Variants in KIF9 observed in about 807,000 individuals in gnomAD.
KIF9 encodes the protein kinesin-like protein KIF9.
Under a neutral mutation model 94.8 loss-of-function variants are expected in KIF9, and 68 were observed. The ratio of observed to expected loss-of-function variants is 0.72; its 90% CI spans 0.59 to 0.88. KIF9 has a LOEUF of 0.88. Among genes scored for constraint, KIF9 ranks in the 40% least tolerant of loss-of-function variants. KIF9 has a pLI of 0.00. For missense variants in KIF9, 882 were observed against 982.5 expected, an observed-to-expected ratio of 0.90 and a Z score of 1.37; for synonymous variants, 343 against 362.1, an observed-to-expected ratio of 0.95 and a Z score of 0.60.
intron 12 of KIF9, chr3:47,246,551 G>GTTTT: frequency 6.8e-6 from 1 of 147,020 alleles, no homozygotes; most frequent in Admixed American, 6.9e-5. Context: ...CCTTCTAAAG[G>GTTTT]TTTTTTTTTT....
intron 13 of KIF9, 76 bp downstream of exon 13, chr3:47,246,121 G>A (rs896437977): frequency 3.7e-6 from 5 of 1,343,864 alleles, no homozygotes; most frequent in African/African-American, 1.4e-5. Flanking sequence ...GGAGCTCTTG[G>A]AGGCAAGTGC....
At position 47,263,745 on chromosome 3, in the gene KIF9, G is replaced by A. The variant is rs750709659; in HGVS notation, c.981+541C>T. Reference sequence around the variant, plus strand: ...CTCCCTCTGGGCCTCACGTTACTTAGGACCATGGCTTCTCTCTCTTTCTGG... The same window carrying A: ...CTCCCTCTGGGCCTCACGTTACTTAAGACCATGGCTTCTCTCTCTTTCTGG... On this transcript the variant is annotated intron_variant, in intron 9 of 20. Transcript: ENST00000684063. 7.0e-6 allele frequency: 3 copies of A among 425,614 alleles called. No homozygotes were observed. In the Admixed American group the frequency reaches 7.8e-5, roughly 11 times the overall value. 26.4% of individuals were successfully genotyped at this position (425,614 alleles called of 1,614,324 possible). A position where few individuals can be genotyped will look rare whatever the true frequency, so the allele number is the denominator to read the frequency against.
Position 47,238,391 on chromosome 3 carries a change from T to A in KIF9, c.1925-1772A>T, listed in dbSNP as rs1328526291. 3 of 152,104 alleles carry A rather than the reference T, an allele frequency of 2.0e-5. No homozygotes were observed. In the East Asian group the frequency reaches 5.8e-4, roughly 29 times the overall value. The allele number at this position is 152,104 out of a possible 1,614,324, so 9.4% of individuals were successfully genotyped here. On this transcript the variant is annotated intron_variant, in intron 17 of 20. Transcript: ENST00000684063. ...GCCACCACGCCCAGCTAATTTTTTA[T>A]GTTTTTTTGTAGAGACGGGGTCTCA...
rs1699429638 is a variant in KIF9, at chr3:47,240,960, C to T, written c.1765G>A (p.Gly589Ser). The T allele has an allele frequency of 1.2e-6, 2 of 1,614,010 alleles. No homozygotes were observed. Among genetic ancestry groups the T allele is most frequent in the African/African-American group, 1.3e-5 (1 of 74,892 alleles). The change falls in exon 17 of 21, where the codon GGT becomes AGT. Residue 589 changes from glycine to serine, a missense_variant. Gly to Ser is a moderately conservative substitution (Grantham distance 56). Coordinates refer to ENST00000684063, the MANE Select transcript of KIF9 (RefSeq NM_182902.4). ...VAFEEFKNEQGSEINRIFKEN... is the reference protein window; with the variant it reads ...VAFEEFKNEQSSEINRIFKEN... ...TTGAAAATTCGGTTGATCTCACTAC[C>T]TTGCTCATTCTTAAACTCCTCAAAG...
At position 47,236,023 on chromosome 3, in the gene KIF9, G is replaced by A. The variant is rs199770331; in HGVS notation, c.2217+11C>T. ...CAACCACTGCCACACCCCTGCCCCT[G>A]TGCCGCTCACCAGAGACACAATCCT... On this transcript the variant is annotated intron_variant, in intron 19 of 20. Transcript: ENST00000684063. 3.0e-5 allele frequency: 48 copies of A among 1,602,954 alleles called. No individual in the cohort carries two copies. In the Admixed American group the frequency reaches 6.7e-4, roughly 22 times the overall value.
intron 3 of KIF9, among the ~76,000 whole-genome samples, chr3:47,274,256 G>C (rs1286316415): frequency 1.3e-5 from 2 of 152,182 alleles, no homozygotes; most frequent in Non-Finnish European, 2.9e-5. Context: ...CCCTGATCTG[G>C]TCCACTGCCC....
At chr3:47,232,504 C>T (rs890939979) in intron 20 of KIF9, among the ~76,000 whole-genome samples, 12 of 151,512 alleles carry the variant, frequency 7.9e-5, no homozygotes, top group African/African-American at 2.7e-4. Context: ...AGGCTGGTCT[C>T]GAACTCCCGA....
chr3:47,229,025 C>T (rs1240471000), intron 20 of KIF9, among the ~76,000 whole-genome samples: 1 of 152,364 alleles, frequency 6.6e-6, no homozygotes, highest in Non-Finnish European at 1.5e-5. Flanking sequence ...AGGGTTCTAT[C>T]TCCAGAGGAG....
intron 5 of KIF9, among the ~76,000 whole-genome samples, chr3:47,267,831 A>G (rs1029677155): frequency 1.0e-4 from 15 of 149,804 alleles, no homozygotes; most frequent in African/African-American, 3.4e-4. Context: ...ATGTATTACT[A>G]TAAAAATAAT....
In KIF9 at chr3:47,260,180, T is replaced by G. The variant is rs565245404; in HGVS notation, c.982-2620A>C. On this transcript the variant is annotated intron_variant, in intron 9 of 20. Transcript: ENST00000684063. ...TAAAGCATTGAGATGTTTATGTGTA[T>G]GCATATCTAAAAGCACAGCACTTAA... Among the ~76,000 whole-genome samples the G allele has an allele frequency of 1.1e-3, 147 of 131,988 alleles. 1 individual carries two copies. Among genetic ancestry groups the G allele is most frequent in the Middle Eastern group, 7.3e-3 (2 of 274 alleles). The allele number at this position is 131,988 out of a possible 152,430, so 86.6% of individuals were successfully genotyped here. A position where few individuals can be genotyped will look rare whatever the true frequency, so the allele number is the denominator to read the frequency against.
At chr3:47,266,128 A>C (rs1276379383) in intron 7 of KIF9, 5 of 417,586 alleles carry the variant, frequency 1.2e-5, no homozygotes, top group Non-Finnish European at 2.2e-5. Context: ...GCTTACATGA[A>C]TATTCATATG....
chr3:47,236,233 C>T, intron 18 of KIF9, 84 bp from the exon 19 acceptor site: 1 of 1,137,826 alleles, frequency 8.8e-7, no homozygotes, highest in African/African-American at 1.5e-5. Context: ...TGCAGGCTCA[C>T]CATCTGTTCA....
At chr3:47,281,133 TG>T in intron 1 of KIF9, 1 of 662,028 alleles carries the variant, frequency 1.5e-6, no homozygotes, top group Non-Finnish European at 2.7e-6. Flanking sequence ...TGGTTGGTGA[TG>T]GTAATGGCTG....
At chr3:47,245,591 A>G in intron 13 of KIF9, 80 bp from the exon 14 acceptor site, 1 of 1,055,718 alleles carries the variant, frequency 9.5e-7, no homozygotes, top group East Asian at 2.4e-5. Context: ...TACTGGGGTT[A>G]AAAGTCATAT....
chr3:47,261,992 C>T (rs1244273827), intron 9 of KIF9, among the ~76,000 whole-genome samples: 2 of 152,224 alleles, frequency 1.3e-5, no homozygotes, highest in Non-Finnish European at 2.9e-5. Context: ...CATTAGCTTC[C>T]ATACCCCCAA....
chr3:47,238,777 T>C (rs1297772320), intron 17 of KIF9, among the ~76,000 whole-genome samples: 1 of 152,120 alleles, frequency 6.6e-6, no homozygotes, highest in East Asian at 1.9e-4. Context: ...TTCTCCTGCC[T>C]CAGCCTCCCC....
chr3:47,282,467 C>G lies in KIF9; in HGVS notation c.-6+28G>C, dbSNP rs78934808. 970 of 989,782 alleles carry G rather than the reference C, an allele frequency of 9.8e-4. 8 individuals are homozygous for G. The African/African-American group carries it at 0.016, about 17-fold the overall frequency. The allele number at this position is 989,782 out of a possible 1,614,324, so 61.3% of individuals were successfully genotyped here. On this transcript the variant is annotated intron_variant, in intron 1 of 20. Coordinates refer to ENST00000684063, the MANE Select transcript of KIF9 (RefSeq NM_182902.4). ...CGCACACCCTTTTCCCGTCTCCCCA[C>G]TCCCACCGGCGAGCAGCCCCTGCTC...
chr3:47,273,777 A>T, intron 3 of KIF9, 119 bp from the exon 4 acceptor site: 2 of 807,186 alleles, frequency 2.5e-6, no homozygotes, highest in Non-Finnish European at 2.1e-6. Context: ...CAGTGGGGGC[A>T]GCCAAGAACA....
intron 4 of KIF9, 130 bp from the exon 5 acceptor site, chr3:47,271,591 G>T: frequency 1.5e-6 from 1 of 681,220 alleles, no homozygotes; most frequent in Non-Finnish European, 2.6e-6. Flanking sequence ...GGAATTGGGT[G>T]ATATTTAGTA....
Sources: allele counts gnomAD v4.1 joint callset (sites outside exome capture counted in the v4.1 genomes callset), GRCh38; gene constraint gnomAD v4.1.1; transcripts MANE v1.5; gene names NCBI Gene and HGNC (gene_info 2026-07-23, HGNC 2026-07-21).